Variants in SERPING1 observed in about 807,000 individuals in gnomAD.
The protein encoded by SERPING1 is plasma protease C1 inhibitor.
In SERPING1, 5 loss-of-function variants were observed where a neutral mutation model predicts 34.1. The observed-to-expected ratio is 0.15, with a 90% CI of 0.08 to 0.31. The LOEUF (loss-of-function observed/expected upper bound fraction) is 0.31. Ranked by LOEUF, SERPING1 falls within the 10% of genes least tolerant of loss-of-function variation. The pLI is 1.00. For synonymous variants in SERPING1, 225 were observed against 242.4 expected (o/e 0.93, Z 0.67); for missense variants, 505 against 609.5 (o/e 0.83, Z 1.81).
Position 57,614,815 on chromosome 11 carries a change from C to T in SERPING1, c.*234C>T. 1 of 544,842 alleles carries T rather than the reference C, an allele frequency of 1.8e-6. No homozygotes were observed. The highest frequency in any genetic ancestry group is 1.9e-5 in the African/African-American group (1 of 53,258). 33.8% of individuals were successfully genotyped at this position (544,842 alleles called of 1,614,324 possible). On this transcript the variant is annotated 3_prime_UTR_variant, in exon 8 of 8. Transcript: ENST00000278407. The stretch of plus-strand genomic sequence containing the variant: ...TGCAGCTTTCTCTAGTTCAAGTTCA[C>T]CAGACTCTATAAATAAAACCTGACA...
At chr11:57,606,776 C>T (rs971531030) in intron 6 of SERPING1, 1 of 697,644 alleles carries the variant, frequency 1.4e-6, no homozygotes, top group African/African-American at 1.7e-5. Flanking sequence ...CTTCATGCAT[C>T]TCTACTATAT....
intron 6 of SERPING1, 88 bp downstream of exon 6, chr11:57,606,635 C>A: frequency 7.4e-7 from 1 of 1,351,922 alleles, no homozygotes; most frequent in Non-Finnish European, 1.1e-6. Flanking sequence ...TTTTGGGGTA[C>A]ATGCTTACAA....
intron 4 of SERPING1, among the ~76,000 whole-genome samples, chr11:57,602,567 C>T (rs1945361313): frequency 6.6e-6 from 1 of 151,100 alleles, no homozygotes; most frequent in Admixed American, 6.6e-5. Context: ...CCAGCCTGAC[C>T]AACATGGTGA....
At position 57,602,264 on chromosome 11, in the gene SERPING1, T is replaced by A. The variant is rs1015511141; in HGVS notation, c.685+95T>A. On this transcript the variant is annotated intron_variant, in intron 4 of 7. Transcript: ENST00000278407. ...CTGGGGAAAGAAAGGACAGAGGGAATGTTGGAGCTACAGTATCAGGGATGG... is the reference window on the plus strand; with the variant it reads ...CTGGGGAAAGAAAGGACAGAGGGAAAGTTGGAGCTACAGTATCAGGGATGG... The A allele has an allele frequency of 2.7e-5, 38 of 1,428,194 alleles. No individual in the cohort carries two copies. The African/African-American group carries it at 4.6e-4, about 17-fold the overall frequency. The allele number at this position is 1,428,194 out of a possible 1,614,324, so 88.5% of individuals were successfully genotyped here. A position where few individuals can be genotyped will look rare whatever the true frequency, so the allele number is the denominator to read the frequency against.
chr11:57,604,357 T>G lies in SERPING1; in HGVS notation c.686-1653T>G, dbSNP rs139076024. 1.4e-4 allele frequency among the ~76,000 whole-genome samples: 21 copies of G among 152,252 alleles called. No individual in the cohort carries two copies. In the East Asian group the frequency reaches 3.9e-3, roughly 28 times the overall value. ...AATAATGATAATACTAATAATAAAC[T>G]TACAAAACGATCCAATGTAGTTGTT... On this transcript the variant is annotated intron_variant, in intron 4 of 7. Coordinates refer to ENST00000278407, the MANE Select transcript of SERPING1 (RefSeq NM_000062.3).
At chr11:57,611,631 G>C (rs369447909) in intron 6 of SERPING1, 86 bp from the exon 7 acceptor site, 3 of 1,226,698 alleles carry the variant, frequency 2.4e-6, no homozygotes, top group Non-Finnish European at 3.6e-6. Flanking sequence ...TGTGGGAGCA[G>C]ACTGCAGGAC....
Position 57,614,648 on chromosome 11 carries a change from G to T in SERPING1, c.*67G>T. 6.4e-7 allele frequency: 1 copy of T among 1,572,038 alleles called. No homozygotes were observed. The highest frequency in any genetic ancestry group is 1.1e-5 in the South Asian group (1 of 87,906). Reference sequence around the variant, plus strand: ...CTCAGCTCTCAGTTGCAGCCCTGCTGCTGCCTGCCTGGACTTGGCCCCTGC... The same window carrying T: ...CTCAGCTCTCAGTTGCAGCCCTGCTTCTGCCTGCCTGGACTTGGCCCCTGC... On this transcript the variant is annotated 3_prime_UTR_variant, in exon 8 of 8. Coordinates refer to ENST00000278407, the MANE Select transcript of SERPING1 (RefSeq NM_000062.3).
At chr11:57,611,435 T>C in intron 6 of SERPING1, 1 of 508,472 alleles carries the variant, frequency 2.0e-6, no homozygotes, top group Non-Finnish European at 3.6e-6. Flanking sequence ...CTCAGAGAAA[T>C]CAAATCACTT....
intron 7 of SERPING1, among the ~76,000 whole-genome samples, chr11:57,612,961 G>C (rs1945497261): frequency 6.6e-6 from 1 of 150,650 alleles, no homozygotes; most frequent in African/African-American, 2.4e-5. Context: ...TGGTGAAGCT[G>C]GTCTTGAACT....
chr11:57,599,800 T>C, intron 2 of SERPING1, 79 bp from the exon 3 acceptor site: 2 of 1,602,746 alleles, frequency 1.2e-6, no homozygotes, highest in Middle Eastern at 3.3e-4. Context: ...CATCCACACC[T>C]TCTCTTCCTG....
At position 57,602,020 on chromosome 11, in the gene SERPING1, T is replaced by C. The variant is rs1945353017; in HGVS notation, c.551-15T>C. 9 of 1,614,046 alleles carry C rather than the reference T, an allele frequency of 5.6e-6. No homozygotes were observed. The highest frequency in any genetic ancestry group is 4.0e-5 in the African/African-American group (3 of 74,930). ...TCATCCTGCAAGTATCTTTCATCTCTGCCCTTTGTTGCAGGGGCTGGGGAG... is the reference window on the plus strand; with the variant it reads ...TCATCCTGCAAGTATCTTTCATCTCCGCCCTTTGTTGCAGGGGCTGGGGAG... On this transcript the variant is annotated splice_polypyrimidine_tract_variant and intron_variant, in intron 3 of 7. Coordinates refer to ENST00000278407, the MANE Select transcript of SERPING1 (RefSeq NM_000062.3).
chr11:57,609,330 G>A (rs1433962414), intron 6 of SERPING1, among the ~76,000 whole-genome samples: 3 of 152,248 alleles, frequency 2.0e-5, no homozygotes, highest in African/African-American at 4.8e-5. Context: ...TGTAATCCCA[G>A]CACTTTGGGA....
chr11:57,608,112 TGTGACAG>T (rs1945432513), intron 6 of SERPING1, among the ~76,000 whole-genome samples: 2 of 152,228 alleles, frequency 1.3e-5, no homozygotes, highest in Non-Finnish European at 1.5e-5. Flanking sequence ...AGTGAATATA[TGTGACAG>T]GTCCAGAGCA....
intron 1 of SERPING1, 58 bp from the exon 2 acceptor site, chr11:57,598,169 ATGGGGGCGGGCCCCGGGCGGGG>A: frequency 9.5e-7 from 1 of 1,056,966 alleles, no homozygotes; most frequent in Non-Finnish European, 1.4e-6. Context: ...CTGAGACGGA[ATGGGGGCGGGCCCCGGGCGGGG>A]TGGGGGCCCC....
chr11:57,599,858 A>G, intron 2 of SERPING1, 21 bp from the exon 3 acceptor site: 2 of 1,614,062 alleles, frequency 1.2e-6, no homozygotes, highest in East Asian at 2.2e-5. Flanking sequence ...AAAAAATGAA[A>G]CTCAGTTTCT....
chr11:57,603,927 A>G (rs1945379076), intron 4 of SERPING1, among the ~76,000 whole-genome samples: 1 of 151,752 alleles, frequency 6.6e-6, no homozygotes, highest in Non-Finnish European at 1.5e-5. Flanking sequence ...AGGTGGGCGG[A>G]TCACTTGAGG....
chr11:57,597,930 T>A, intron 1 of SERPING1: 5 of 226,610 alleles, frequency 2.2e-5, no homozygotes, highest in South Asian at 1.0e-4. Flanking sequence ...GGACCTCCCC[T>A]CCCCCACGCC....
intron 2 of SERPING1, 68 bp from the exon 3 acceptor site, chr11:57,599,811 C>A: frequency 1.9e-6 from 3 of 1,609,530 alleles, no homozygotes; most frequent in Non-Finnish European, 2.6e-6. Flanking sequence ...TCTCTTCCTG[C>A]TTTGAGTATT....
intron 3 of SERPING1, among the ~76,000 whole-genome samples, 165 bp from the exon 4 acceptor site, chr11:57,601,855 CAAAAAAAAAAAAAAA>C (rs5792050): frequency 3.5e-5 from 2 of 57,790 alleles, no homozygotes; most frequent in Non-Finnish European, 6.4e-5. Flanking sequence ...GACTCTGTCT[CAAAAAAAAAAAAAAA>C]AAAAAAAAAA....
Sources: allele counts gnomAD v4.1 joint callset (sites outside exome capture counted in the v4.1 genomes callset), GRCh38; gene constraint gnomAD v4.1.1; transcripts MANE v1.5; gene names NCBI Gene and HGNC (gene_info 2026-07-23, HGNC 2026-07-21).